The following EPM2A variants were observed in gnomAD, a reference collection of about 807,000 sequenced individuals.
The protein encoded by EPM2A is laforin.
Under a neutral mutation model 26.5 loss-of-function variants are expected in EPM2A, and 21 were observed. That is an observed-to-expected ratio of 0.79 (90% confidence interval 0.56 to 1.14). The LOEUF is 1.14. Among genes scored for constraint, EPM2A ranks in the 50% most tolerant of loss-of-function variants. The pLI is 0.00. For missense variants in EPM2A, 458 were observed against 440.8 expected, an observed-to-expected ratio of 1.04 and a Z score of -0.35; for synonymous variants, 217 against 177.6, an observed-to-expected ratio of 1.22 and a Z score of -1.76.
intron 2 of EPM2A, among the ~76,000 whole-genome samples, chr6:145,681,350 C>G (rs1180574510): frequency 2.6e-4 from 40 of 151,426 alleles, no homozygotes; most frequent in Admixed American, 4.6e-4. Context: ...GTTGCCTGTT[C>G]ACTCTGATGG....
At chr6:145,702,089 G>T (rs1781945152) in intron 1 of EPM2A, among the ~76,000 whole-genome samples, 1 of 151,898 alleles carries the variant, frequency 6.6e-6, no homozygotes, top group Non-Finnish European at 1.5e-5. Context: ...ATCTCTTATT[G>T]CCTTCTCTTG....
intron 2 of EPM2A, among the ~76,000 whole-genome samples, chr6:145,619,628 A>G (rs1303963317): frequency 6.6e-6 from 1 of 152,194 alleles, no homozygotes; most frequent in African/African-American, 2.4e-5. Context: ...GAAAGCTAGA[A>G]ATGGGGTGGA....
chr6:145,389,439 G>T (rs1440577423), intron 4 of EPM2A, among the ~76,000 whole-genome samples: 3 of 152,060 alleles, frequency 2.0e-5, no homozygotes, highest in Non-Finnish European at 2.9e-5. Flanking sequence ...TGATCTGCCT[G>T]CTTTGGCCTC....
chr6:145,671,560 A>G (rs1475637455), intron 2 of EPM2A, among the ~76,000 whole-genome samples: 2 of 152,220 alleles, frequency 1.3e-5, no homozygotes, highest in Non-Finnish European at 2.9e-5. Context: ...CATCTAGTTC[A>G]ACCAGCTCAC....
At chr6:145,622,408 A>G (rs1357867923), downstream of EPM2A, among the ~76,000 whole-genome samples, 1 of 152,114 alleles carries the variant, frequency 6.6e-6, no homozygotes, top group Non-Finnish European at 1.5e-5. Flanking sequence ...AGTGTTGTCC[A>G]TTGATTTGTG....
chr6:145,654,314 T>G (rs1778103999), intron 2 of EPM2A, among the ~76,000 whole-genome samples: 1 of 152,050 alleles, frequency 6.6e-6, no homozygotes, highest in Non-Finnish European at 1.5e-5. Flanking sequence ...CCCAAGTAGC[T>G]GGGACTACAG....
intron 2 of EPM2A, among the ~76,000 whole-genome samples, chr6:145,573,348 A>G (rs1780985309): frequency 6.6e-6 from 1 of 152,256 alleles, no homozygotes; most frequent in Non-Finnish European, 1.5e-5. Flanking sequence ...ATAGAGAAAA[A>G]GGCATTTGCC....
intron 4 of EPM2A, among the ~76,000 whole-genome samples, chr6:145,444,552 T>C (rs1473374907): frequency 6.6e-6 from 1 of 152,254 alleles, no homozygotes; most frequent in African/African-American, 2.4e-5. Flanking sequence ...CTTGTTTTTG[T>C]TGTGTCTCTG....
chr6:145,459,699 C>CATACTATACTATACTATACTATACT (rs59239067), intron 4 of EPM2A, among the ~76,000 whole-genome samples: 37 of 151,324 alleles, frequency 2.4e-4, no homozygotes, highest in African/African-American at 8.5e-4. Flanking sequence ...CTTCTTTTAG[C>CATACTATACTATACTATACTATACT]ATACTATACT....
At chr6:145,410,522 T>C (rs1778630087) in intron 4 of EPM2A, among the ~76,000 whole-genome samples, 1 of 152,178 alleles carries the variant, frequency 6.6e-6, no homozygotes, top group Non-Finnish European at 1.5e-5. Flanking sequence ...TTTGAAGGGA[T>C]AAAGACCTAA....
chr6:145,705,248 A>G (rs971643321), intron 1 of EPM2A, among the ~76,000 whole-genome samples: 5 of 152,238 alleles, frequency 3.3e-5, no homozygotes, highest in Non-Finnish European at 7.3e-5. Flanking sequence ...CAGGAGTTCA[A>G]GACCAGCCTG....
intron 2 of EPM2A, among the ~76,000 whole-genome samples, chr6:145,577,316 CAT>C (rs1225661484): frequency 1.4e-5 from 2 of 145,408 alleles, no homozygotes; most frequent in South Asian, 2.2e-4. Context: ...TATAAAGACA[CAT>C]AGACTGAAAA....
intron 4 of EPM2A, among the ~76,000 whole-genome samples, chr6:145,430,848 G>GA (rs1014058545): frequency 3.4e-4 from 52 of 152,230 alleles, no homozygotes; most frequent in African/African-American, 1.1e-3. Flanking sequence ...AAAGAATGCT[G>GA]AAAAAATATT....
At position 145,686,162 on chromosome 6, in the gene EPM2A, A is replaced by G. The variant is rs1393744393; in HGVS notation, c.436T>C (p.Tyr146His). ...GCTTGGTGGCCTGCAATATTAAAAT[A>G]GAAGTCTGTTGTGTGCTTCATTTCA... Reference protein sequence around the residue: ...TNEMKHTTDFYFNIAGHQAMH... With the variant: ...TNEMKHTTDFHFNIAGHQAMH... The change falls in exon 2 of 4, where the codon TAT becomes CAT. Residue 146 changes from tyrosine (Y) to histidine (H), a missense_variant. Physicochemically the swap from Tyr to His is moderately conservative, Grantham distance 83. Transcript: ENST00000367519. The G allele has an allele frequency of 9.3e-6, 15 of 1,613,912 alleles. No individual in the cohort carries two copies. The Admixed American group carries it at 2.5e-4, about 27-fold the overall frequency.
chr6:145,486,165 C>A (rs1413983631), intron 4 of EPM2A, among the ~76,000 whole-genome samples: 2 of 152,178 alleles, frequency 1.3e-5, no homozygotes, highest in East Asian at 1.9e-4. Context: ...CCAAATAGAA[C>A]CTTCCAGAGG....
chr6:145,624,225 C>A (rs980869089), downstream of EPM2A, among the ~76,000 whole-genome samples: 1 of 152,086 alleles, frequency 6.6e-6, no homozygotes, highest in Non-Finnish European at 1.5e-5. Flanking sequence ...GTCCCACAGA[C>A]AAATAAGTGG....
intron 1 of EPM2A, among the ~76,000 whole-genome samples, chr6:145,715,637 T>C (rs1229960545): frequency 6.6e-6 from 1 of 152,142 alleles, no homozygotes; most frequent in African/African-American, 2.4e-5. Context: ...CTGCTCCCCA[T>C]CACTCACATT....
chr6:145,532,771 C>T (rs1780376498), intron 2 of EPM2A, among the ~76,000 whole-genome samples: 1 of 152,182 alleles, frequency 6.6e-6, no homozygotes, highest in Non-Finnish European at 1.5e-5. Context: ...TCAACCCATT[C>T]CCATCTGTCT....
At chr6:145,418,248 CAA>C (rs1184526320) in intron 4 of EPM2A, among the ~76,000 whole-genome samples, 1 of 152,326 alleles carries the variant, frequency 6.6e-6, no homozygotes, top group African/African-American at 2.4e-5. Flanking sequence ...AGATCGGAGA[CAA>C]ATGGATGCAA....
Sources: allele counts gnomAD v4.1 joint callset (sites outside exome capture counted in the v4.1 genomes callset), GRCh38; gene constraint gnomAD v4.1.1; transcripts MANE v1.5; gene names NCBI Gene and HGNC (gene_info 2026-07-23, HGNC 2026-07-21).